The following NFRKB variants were observed in gnomAD, a reference collection of about 807,000 sequenced individuals.
NFRKB encodes nuclear factor related to kappaB binding protein, also known as nuclear factor related to kappa-B-binding protein.
In NFRKB, 62 loss-of-function variants were observed where a neutral mutation model predicts 135.7. The ratio of observed to expected loss-of-function variants is 0.46; its 90% confidence interval spans 0.37 to 0.56. NFRKB has a LOEUF of 0.56. Ranked by LOEUF, NFRKB falls within the 20% of genes least tolerant of loss-of-function variation. NFRKB has a pLI of 0.00. For missense variants in NFRKB, 1,545 were observed against 1,662.0 expected (o/e 0.93, Z 1.22); for synonymous variants, 678 against 635.6 (o/e 1.07, Z -1.00).
At position 129,874,124 on chromosome 11, in the gene NFRKB, C is replaced by T. The variant is rs754452896; in HGVS notation, c.2268G>A (p.Lys756=). The T allele has an allele frequency of 2.1e-5, 33 of 1,542,200 alleles. No individual in the cohort carries two copies. In the East Asian group the frequency reaches 7.2e-4, roughly 34 times the overall value. ...SGPSTVSEPA[K]SSSGVLLVSS... ...AAGGAGGAACTTACCCCGAGCTAGA[C>T]TTAGCTGGTTCTGAGACTGTGGAAG... The change falls in exon 21 of 27, where the codon AAG becomes AAA. Residue 756 remains lysine (K), a synonymous_variant. Coordinates refer to ENST00000682444, the MANE Select transcript of NFRKB (RefSeq NM_001143835.2). This position sits in a 1 kb window ranked among gnomAD's most constrained non-coding sequence, Gnocchi z 4.5.
chr11:129,871,078 T>C (rs1465049727), intron 23 of NFRKB, among the ~76,000 whole-genome samples: 1 of 152,178 alleles, frequency 6.6e-6, no homozygotes, highest in Non-Finnish European at 1.5e-5. Flanking sequence ...TCAAGTCCCT[T>C]ACACAAAATG....
intron 8 of NFRKB, among the ~76,000 whole-genome samples, chr11:129,883,505 T>TTG (rs1477918921): frequency 1.3e-5 from 2 of 152,218 alleles, no homozygotes; most frequent in African/African-American, 4.8e-5. Context: ...ATTACTATGT[T>TTG]TTACAGAGTC....
intron 5 of NFRKB, 45 bp downstream of exon 5, chr11:129,886,272 C>A: frequency 6.3e-7 from 1 of 1,583,488 alleles, no homozygotes; most frequent in Non-Finnish European, 8.6e-7. Flanking sequence ...AGTCATGATA[C>A]CTGTGACTGC....
In NFRKB at chr11:129,884,090, C is replaced by T. The variant is rs779463281; in HGVS notation, c.796G>A (p.Glu266Lys). 12 of 1,614,094 alleles carry T rather than the reference C, an allele frequency of 7.4e-6. No individual in the cohort carries two copies. The highest frequency in any genetic ancestry group is 5.0e-5 in the Admixed American group (3 of 59,998). ...CTTACTGGCTGATGTTTCCGCTTCT[C>T]GTGGTGCTTCTTTAACATTATCTTC... ...DLKIMLKKHH[E>K]KRKHQPDHPD... Residue 266 changes from glutamate (E) to lysine (K), a missense_variant, in exon 8 of 27, where the codon GAG (glutamate) becomes AAG (lysine). Physicochemically the swap from Glu to Lys is moderately conservative, Grantham distance 56. Coordinates refer to ENST00000682444, the MANE Select transcript of NFRKB (RefSeq NM_001143835.2).
rs780898497 is a variant in NFRKB, at chr11:129,882,636, A to G, written c.902-5T>C. ...GGACAGCCAAGTCATATAAGGCTAG[A>G]AAGGCAAAGTAACACCAGTCACAGA... is the stretch of plus-strand genomic sequence containing the variant. On this transcript the variant is annotated splice_polypyrimidine_tract_variant and splice_region_variant and intron_variant, in intron 9 of 26. Coordinates refer to ENST00000682444, the MANE Select transcript of NFRKB (RefSeq NM_001143835.2). The G allele has an allele frequency of 1.2e-6, 2 of 1,612,936 alleles. No individual in the cohort carries two copies. Among genetic ancestry groups the G allele is most frequent in the Admixed American group, 1.7e-5 (1 of 59,814 alleles).
chr11:129,872,797 C>T lies in NFRKB; in HGVS notation c.2763+87G>A, dbSNP rs1266150215. The T allele has an allele frequency of 4.6e-6, 6 of 1,313,690 alleles. No homozygotes were observed. In the Admixed American group the frequency reaches 1.1e-4, roughly 24 times the overall value. The allele number at this position is 1,313,690 out of a possible 1,614,324, so 81.4% of individuals were successfully genotyped here. On this transcript the variant is annotated intron_variant, in intron 23 of 26. Transcript: ENST00000682444. ...AGATGACAAATCTTCTTCCCATGGG[C>T]ATGCAGTCTGGCCAAGAACCTCCAG...
intron 16 of NFRKB, 75 bp downstream of exon 16, chr11:129,877,250 A>G (rs191655603): frequency 2.9e-6 from 4 of 1,402,536 alleles, no homozygotes; most frequent in South Asian, 1.2e-5. Context: ...AGGTAGATGC[A>G]GGAGAGTCAG....
chr11:129,877,487 C>A, intron 15 of NFRKB, 102 bp from the exon 16 acceptor site: 1 of 1,085,362 alleles, frequency 9.2e-7, no homozygotes, highest in South Asian at 1.3e-5. Context: ...GGAAAGATGT[C>A]CCTCAAGAAG....
Position 129,874,705 on chromosome 11 carries a change from T to C in NFRKB, c.1978+88A>G, listed in dbSNP as rs954109506. ...TGCCTCTACCATCTTGTCCTACCTA[T>C]ATGCCAATGAAAAGAATAATGGAAT... On this transcript the variant is annotated intron_variant, in intron 19 of 26. Coordinates refer to ENST00000682444, the MANE Select transcript of NFRKB (RefSeq NM_001143835.2). This position sits in a 1 kb window ranked among gnomAD's most constrained non-coding sequence, Gnocchi z 4.5. The C allele has an allele frequency of 2.3e-5, 37 of 1,608,400 alleles. No individual in the cohort carries two copies. The Admixed American group carries it at 4.8e-4, about 21-fold the overall frequency.
chr11:129,876,532 T>A (rs569417030), intron 17 of NFRKB, among the ~76,000 whole-genome samples, 189 bp downstream of exon 17: 1 of 152,256 alleles, frequency 6.6e-6, no homozygotes, highest in East Asian at 1.9e-4. Context: ...AAGCCCAGAC[T>A]TAAGGAAGAA....
Position 129,881,497 on chromosome 11 carries a change from TGGAA to T in NFRKB, c.1326_1329del (p.Ser443ValfsTer28). On this transcript the variant is annotated frameshift_variant, in exon 13 of 27. Coordinates refer to ENST00000682444, the MANE Select transcript of NFRKB (RefSeq NM_001143835.2). LOFTEE classifies it high-confidence loss of function. ...TTGAATTCAACAAATGGAGAGAAAC[TGGAA>T]GGAACAGCTGCAAGAAATGGACCAC... is the stretch of plus-strand genomic sequence containing the variant. 1 of 1,614,130 alleles carries T rather than the reference TGGAA, an allele frequency of 6.2e-7. No homozygotes were observed. The highest frequency in any genetic ancestry group is 8.5e-7 in the Non-Finnish European group (1 of 1,180,024).
chr11:129,866,566 G>T (rs1185083486), intron 24 of NFRKB, among the ~76,000 whole-genome samples: 1 of 151,480 alleles, frequency 6.6e-6, no homozygotes, highest in Non-Finnish European at 1.5e-5. Context: ...GGTTAGCTAG[G>T]GGACACTAAC....
chr11:129,888,617 T>G lies in NFRKB; in HGVS notation c.314A>C (p.His105Pro). The change falls in exon 4 of 27, where the codon CAC (histidine) becomes CCC (proline). Residue 105 changes from histidine to proline, a missense_variant. Transcript: ENST00000682444. ...GENFRFGNPL[H>P]IAQKLFRDGH... ...ACCTCGGAAAAGCTTCTGGGCAATG[T>G]GCAGAGGGTTTCCAAAGCGGAAGTT... 2 of 1,614,180 alleles carry G rather than the reference T, an allele frequency of 1.2e-6. No individual in the cohort carries two copies. Among genetic ancestry groups the G allele is most frequent in the African/African-American group, 1.3e-5 (1 of 75,032 alleles).
At chr11:129,877,117 G>C (rs1948802476) in intron 16 of NFRKB, among the ~76,000 whole-genome samples, 1 of 152,148 alleles carries the variant, frequency 6.6e-6, no homozygotes, top group Admixed American at 6.5e-5. Flanking sequence ...AAGGCACTTT[G>C]CTACCTGGAA....
Position 129,885,442 on chromosome 11 carries a change from A to T in NFRKB, c.633T>A (p.Asp211Glu), listed in dbSNP as rs1478355578. 1 of 1,607,982 alleles carries T rather than the reference A, an allele frequency of 6.2e-7. No individual in the cohort carries two copies. Among genetic ancestry groups the T allele is most frequent in the Non-Finnish European group, 8.5e-7 (1 of 1,175,210 alleles). ...GTGCCCGAGGACACTCACCCTCTTC[A>T]TCAGATGACAGGGCTGTGTCACCAC... ...EECGDTALSS[D>E]EEDLSSWLPS... Residue 211 changes from aspartate to glutamate, a missense_variant, in exon 6 of 27, where the codon GAT (aspartate) becomes GAA (glutamate). Asp to Glu is a conservative substitution (Grantham distance 45). This residue lies in a region of NFRKB where 678 missense variants were observed against 646.7 expected (regional missense o/e 1.05). Transcript: ENST00000682444.
chr11:129,869,694 C>T lies in NFRKB; in HGVS notation c.3331G>A (p.Ala1111Thr), dbSNP rs770425865. ...CTGGCCACCGAGGCCCCTTGCTTGG[C>T]GTGGGTTGCAACGGTGATGGTCTGG... ...AGQTITVATH[A>T]KQGASVASGS... The change falls in exon 24 of 27, where the codon GCC (alanine) becomes ACC (threonine). Residue 1111 changes from alanine to threonine, a missense_variant. Physicochemically the swap from Ala to Thr is moderately conservative, Grantham distance 58. This residue lies in a region of NFRKB where 753 missense variants were observed against 804.3 expected (regional missense o/e 0.94). Transcript: ENST00000682444. 8 of 1,614,088 alleles carry T rather than the reference C, an allele frequency of 5.0e-6. No homozygotes were observed. The highest frequency in any genetic ancestry group is 1.7e-5 in the Admixed American group (1 of 60,010).
intron 24 of NFRKB, among the ~76,000 whole-genome samples, chr11:129,866,441 C>G (rs367931737): frequency 6.6e-6 from 1 of 151,668 alleles, no homozygotes; most frequent in Non-Finnish European, 1.5e-5. Flanking sequence ...ATACCTAAAG[C>G]GCACAACTAC....
rs1324078723 is a variant in NFRKB at position 129,884,730 on chromosome 11, C to T, written c.742+15G>A. The T allele has an allele frequency of 6.2e-7, 1 of 1,613,080 alleles. No homozygotes were observed. The highest frequency in any genetic ancestry group is 8.5e-7 in the Non-Finnish European group (1 of 1,179,850). ...CAATGTCCCAGAATGGTGACAGCGGCAGCTTGGTTCTCACCTGCAGTTTTC... is the reference window on the plus strand; with the variant it reads ...CAATGTCCCAGAATGGTGACAGCGGTAGCTTGGTTCTCACCTGCAGTTTTC... On this transcript the variant is annotated intron_variant, in intron 7 of 26. Coordinates refer to ENST00000682444, the MANE Select transcript of NFRKB (RefSeq NM_001143835.2).
intron 8 of NFRKB, 60 bp downstream of exon 8, chr11:129,884,010 A>C: frequency 6.4e-7 from 1 of 1,564,910 alleles, no homozygotes; most frequent in Non-Finnish European, 8.8e-7. Flanking sequence ...CTTCCTCAGG[A>C]CAGCCAATCC....
Sources: allele counts gnomAD v4.1 joint callset (sites outside exome capture counted in the v4.1 genomes callset), GRCh38; gene constraint gnomAD v4.1.1; regional missense constraint gnomAD v4.1.1; non-coding constraint Gnocchi (gnomAD v3.1); transcripts MANE v1.5; gene names NCBI Gene and HGNC (gene_info 2026-07-23, HGNC 2026-07-21).